The following TECPR2 variants were observed in gnomAD, a reference collection of about 807,000 sequenced individuals.
TECPR2 encodes the protein tectonin beta-propeller repeat containing 2.
In TECPR2, 65 loss-of-function variants were observed where a neutral mutation model predicts 138.1. The ratio of observed to expected loss-of-function variants is 0.47; its 90% CI spans 0.39 to 0.58. The LOEUF (loss-of-function observed/expected upper bound fraction) is 0.58. Ranked by LOEUF, TECPR2 falls within the 20% of genes least tolerant of loss-of-function variation. The pLI is 0.00. For synonymous variants in TECPR2, 746 were observed against 749.8 expected (o/e 0.99, Z 0.08); for missense variants, 1,553 against 1,824.5 (o/e 0.85, Z 2.71).
At chr14:102,461,041 A>G (rs1018181117) in intron 16 of TECPR2, among the ~76,000 whole-genome samples, 1 of 151,792 alleles carries the variant, frequency 6.6e-6, no homozygotes, top group Non-Finnish European at 1.5e-5. Flanking sequence ...TTCTACCCCT[A>G]TACAAATTAC....
chr14:102,498,077 T>C (rs1401171402), intron 19 of TECPR2, 26 bp from the exon 20 acceptor site: 2 of 1,342,810 alleles, frequency 1.5e-6, no homozygotes, highest in Non-Finnish European at 2.1e-6. Context: ...GATTGACAAG[T>C]ATGTGATTGG....
chr14:102,394,614 A>C (rs1382650033), intron 2 of TECPR2, among the ~76,000 whole-genome samples: 1 of 152,152 alleles, frequency 6.6e-6, no homozygotes, highest in Admixed American at 6.5e-5. Flanking sequence ...AACAAACCAA[A>C]AAACAAATTA....
intron 17 of TECPR2, among the ~76,000 whole-genome samples, chr14:102,496,035 G>A (rs945044609): frequency 2.6e-5 from 4 of 152,256 alleles, no homozygotes; most frequent in Non-Finnish European, 4.4e-5. Flanking sequence ...TTGTATTCAC[G>A]GCAGCCCTGA....
Position 102,412,849 on chromosome 14 carries a change from C to A in TECPR2, c.481-1787C>A, listed in dbSNP as rs184224742. On this transcript the variant is annotated intron_variant, in intron 4 of 19. Coordinates refer to ENST00000359520, the MANE Select transcript of TECPR2 (RefSeq NM_014844.5). ...GTGGCTCACACCCGTAATCCCAGCA[C>A]TTTGGGAGGCCAAGGCAGGATGATC... is the stretch of plus-strand genomic sequence containing the variant. 3.4e-3 allele frequency among the ~76,000 whole-genome samples: 517 copies of A among 152,228 alleles called. 5 individuals carry two copies. The highest frequency in any genetic ancestry group is 0.012 in the African/African-American group (488 of 41,532).
intron 9 of TECPR2, among the ~76,000 whole-genome samples, chr14:102,435,503 C>A (rs938296828): frequency 6.6e-6 from 1 of 152,200 alleles, no homozygotes; most frequent in Non-Finnish European, 1.5e-5. Flanking sequence ...TAGGCACTTA[C>A]TGTTAGCCAT....
chr14:102,495,463 G>A (rs766296613), intron 17 of TECPR2, among the ~76,000 whole-genome samples: 37 of 152,174 alleles, frequency 2.4e-4, no homozygotes, highest in Non-Finnish European at 4.0e-4. Flanking sequence ...TTGGGGAAGC[G>A]CTGTTCTAGG....
chr14:102,375,742 C>T (rs1407020796), intron 1 of TECPR2, among the ~76,000 whole-genome samples: 1 of 152,150 alleles, frequency 6.6e-6, no homozygotes, highest in Admixed American at 6.5e-5. Context: ...TGGACTGTTA[C>T]AGCCTGCCTG....
chr14:102,452,738 G>A, intron 16 of TECPR2, 111 bp downstream of exon 16: 1 of 824,156 alleles, frequency 1.2e-6, no homozygotes, highest in South Asian at 1.7e-5. Flanking sequence ...TGAGAGTTCT[G>A]AGGGGGTGTT....
chr14:102,491,521 CT>C, intron 17 of TECPR2, among the ~76,000 whole-genome samples: 2 of 152,348 alleles, frequency 1.3e-5, no homozygotes, highest in Middle Eastern at 3.4e-3. Flanking sequence ...GCCCTTTCCT[CT>C]TTTCACACCC....
In TECPR2 at chr14:102,472,736, G is replaced by A. The variant is rs562246863; in HGVS notation, c.3789+7447G>A. On this transcript the variant is annotated intron_variant, in intron 17 of 19. Coordinates refer to ENST00000359520, the MANE Select transcript of TECPR2 (RefSeq NM_014844.5). Reference sequence around the variant, plus strand: ...ATTGCCCCAGGAAATAGAAAAGTCCGTAGTTCCCCCTACTTTACGAGGAAA... The same window carrying A: ...ATTGCCCCAGGAAATAGAAAAGTCCATAGTTCCCCCTACTTTACGAGGAAA... Among the ~76,000 whole-genome samples, 13 of 152,294 alleles carry A rather than the reference G, an allele frequency of 8.5e-5. No homozygotes were observed. In the East Asian group the frequency reaches 1.4e-3, roughly 16 times the overall value.
chr14:102,395,776 C>T (rs997200187), intron 2 of TECPR2, among the ~76,000 whole-genome samples: 12 of 152,098 alleles, frequency 7.9e-5, no homozygotes, highest in African/African-American at 2.4e-4. Flanking sequence ...CCGGCCTGGG[C>T]GACAGAGCGA....
intron 17 of TECPR2, among the ~76,000 whole-genome samples, chr14:102,470,897 C>T (rs1890641851): frequency 6.6e-6 from 1 of 151,230 alleles, no homozygotes; most frequent in South Asian, 2.1e-4. Flanking sequence ...CAGCTCACTG[C>T]AGCCTCCGCC....
intron 2 of TECPR2, among the ~76,000 whole-genome samples, chr14:102,396,538 G>A (rs1888320267): frequency 6.6e-6 from 1 of 152,164 alleles, no homozygotes; most frequent in South Asian, 2.1e-4. Context: ...AGGAAGGAGA[G>A]TATTTGGGGA....
chr14:102,440,907 A>G (rs1013838334), intron 11 of TECPR2, among the ~76,000 whole-genome samples: 13 of 152,180 alleles, frequency 8.5e-5, no homozygotes, highest in African/African-American at 4.8e-5. Flanking sequence ...GTATCCTACA[A>G]TGTTAGATCT....
chr14:102,468,002 A>AT (rs34886429), intron 17 of TECPR2, among the ~76,000 whole-genome samples: 34,930 of 143,798 alleles, frequency 0.24, 4,775 homozygotes, highest in Middle Eastern at 0.33. Context: ...ACGCCTGGCT[A>AT]TTTTTTTTTT....
chr14:102,474,220 T>A (rs1890706004), intron 17 of TECPR2, among the ~76,000 whole-genome samples: 1 of 151,332 alleles, frequency 6.6e-6, no homozygotes, highest in Non-Finnish European at 1.5e-5. Flanking sequence ...GTGAGCCATG[T>A]TTGTACCACT....
rs1485764738 is a variant in TECPR2 at position 102,493,629 on chromosome 14, G to A, written c.3790-3350G>A. ...AACATCTGATCCCAGCACAGCTAGCGGTGGGGACTTGCCTTGAGTGCGCTC... is the reference window on the plus strand; with the variant it reads ...AACATCTGATCCCAGCACAGCTAGCAGTGGGGACTTGCCTTGAGTGCGCTC... On this transcript the variant is annotated intron_variant, in intron 17 of 19. Coordinates refer to ENST00000359520, the MANE Select transcript of TECPR2 (RefSeq NM_014844.5). Among the ~76,000 whole-genome samples the A allele has an allele frequency of 3.3e-5, 5 of 152,224 alleles. No individual in the cohort carries two copies. The South Asian group carries it at 6.2e-4, about 19-fold the overall frequency.
chr14:102,414,498 CAG>C, intron 4 of TECPR2, 136 bp from the exon 5 acceptor site: 13 of 1,031,108 alleles, frequency 1.3e-5, no homozygotes, highest in Non-Finnish European at 1.9e-5. Context: ...AGTGAATCTG[CAG>C]AGAGTGAAAG....
rs71119708 is a variant in TECPR2, at chr14:102,483,791, C to CTT, written c.3790-13168_3790-13167dup. Among the ~76,000 whole-genome samples, 162 of 92,416 alleles carry CTT rather than the reference C, an allele frequency of 1.8e-3. 1 individual carries two copies. The highest frequency in any genetic ancestry group is 2.5e-3 in the Non-Finnish European group (123 of 49,518). 60.6% of individuals were successfully genotyped at this position (92,416 alleles called of 152,430 possible). ...TGGCTGAAGGCCTCCTTTTCCTTTT[C>CTT]TTTTTTTTTTTTTTTTTTTTTGAGT... On this transcript the variant is annotated intron_variant, in intron 17 of 19. Coordinates refer to ENST00000359520, the MANE Select transcript of TECPR2 (RefSeq NM_014844.5).
Sources: allele counts gnomAD v4.1 joint callset (sites outside exome capture counted in the v4.1 genomes callset), GRCh38; gene constraint gnomAD v4.1.1; transcripts MANE v1.5; gene names NCBI Gene and HGNC (gene_info 2026-07-23, HGNC 2026-07-21).